REEP5: variants seen among roughly 807,000 people sequenced by gnomAD.
REEP5 encodes receptor expression-enhancing protein 5.
Under a neutral mutation model 22.4 loss-of-function variants are expected in REEP5, and 24 were observed. The ratio of observed to expected loss-of-function variants is 1.07; its 90% CI spans 0.78 to 1.51. The LOEUF (loss-of-function observed/expected upper bound fraction) is 1.51, where lower values mean the gene tolerates loss of function less well. Among genes scored for constraint, REEP5 ranks in the 40% most tolerant of loss-of-function variants. REEP5 has a pLI of 0.00. For synonymous variants in REEP5, 103 were observed against 88.6 expected, an observed-to-expected ratio of 1.16 and a Z score of -0.92; for missense variants, 252 against 233.0, an observed-to-expected ratio of 1.08 and a Z score of -0.53.
At chr5:112,900,373 T>C in intron 3 of REEP5, among the ~76,000 whole-genome samples, 1 of 152,228 alleles carries the variant, frequency 6.6e-6, no homozygotes, top group East Asian at 1.9e-4. Flanking sequence ...TCTTTGAAAC[T>C]TTTGTATTTT....
intron 1 of REEP5, chr5:112,921,493 C>G (rs1341087685): frequency 2.0e-5 from 11 of 557,434 alleles, no homozygotes; most frequent in Non-Finnish European, 2.9e-5. Flanking sequence ...CCGCAGGGGG[C>G]CCCGGCGCTT....
Position 112,880,650 on chromosome 5 carries a change from CTT to C in REEP5, c.521-1817_521-1816del. On this transcript the variant is annotated intron_variant, in intron 4 of 4. Coordinates refer to ENST00000379638, the MANE Select transcript of REEP5 (RefSeq NM_005669.5). Reference sequence around the variant, plus strand: ...GTGGCAGCATGTAAATTCCTCCTAACTTATTTTAATTCTCTTGCCCCTATTTA... The same window carrying C: ...GTGGCAGCATGTAAATTCCTCCTAACATTTTAATTCTCTTGCCCCTATTTA... Among the ~76,000 whole-genome samples the C allele has an allele frequency of 2.0e-5, 3 of 152,288 alleles. No homozygotes were observed. In the South Asian group the frequency reaches 6.2e-4, roughly 32 times the overall value.
At chr5:112,893,094 TAAAAAAA>T (rs552226372) in intron 3 of REEP5, 50,651 of 498,080 alleles carry the variant, frequency 0.1, 989 homozygotes, top group Middle Eastern at 0.12. Flanking sequence ...GTTTTGTTCT[TAAAAAAA>T]AAAAAAAAAA....
chr5:112,887,180 C>T lies in REEP5; in HGVS notation c.355G>A (p.Gly119Ser), dbSNP rs749277343. 1.1e-5 allele frequency: 17 copies of T among 1,586,200 alleles called. No individual in the cohort carries two copies. The East Asian group carries it at 3.4e-4, about 31-fold the overall frequency. ...GGGGCCATGCACCACAACAGGAAGC[C>T]ACACTGCACAGAAAAAGAGCCAGCA... ...WFPFYYMLKCGFLLWCMAPSP... is the reference protein window; with the variant it reads ...WFPFYYMLKCSFLLWCMAPSP... The change falls in exon 4 of 5, where the codon GGC becomes AGC. Residue 119 changes from glycine to serine, a missense_variant. By Grantham distance (56) the Gly-to-Ser change is moderately conservative. Coordinates refer to ENST00000379638, the MANE Select transcript of REEP5 (RefSeq NM_005669.5).
rs553571467 is a variant in REEP5, at chr5:112,877,297, A to G, written c.*1489T>C. On this transcript the variant is annotated 3_prime_UTR_variant, in exon 5 of 5. Transcript: ENST00000379638. ...ATTGTTATCTCAAGGTGAGCTAATCATCTTTATTTGCCTTAAAAAATACTG... is the reference window on the plus strand; with the variant it reads ...ATTGTTATCTCAAGGTGAGCTAATCGTCTTTATTTGCCTTAAAAAATACTG... The G allele has an allele frequency of 6.6e-6, 1 of 152,300 alleles. No individual in the cohort carries two copies. The highest frequency in any genetic ancestry group is 1.9e-4 in the East Asian group (1 of 5,190). The allele number at this position is 152,300 out of a possible 1,614,324, so 9.4% of individuals were successfully genotyped here.
chr5:112,890,524 C>T (rs1265964090), intron 3 of REEP5, among the ~76,000 whole-genome samples: 7 of 150,058 alleles, frequency 4.7e-5, no homozygotes, highest in Non-Finnish European at 8.8e-5. Flanking sequence ...CATGCAGGCA[C>T]GCACCATCAC....
intron 2 of REEP5, among the ~76,000 whole-genome samples, chr5:112,915,289 C>T (rs188625313): frequency 6.6e-6 from 1 of 152,112 alleles, no homozygotes; most frequent in African/African-American, 2.4e-5. Context: ...GCTTTAGAGC[C>T]CAGAAACTCT....
chr5:112,891,394 C>G (rs1768441823), intron 3 of REEP5, among the ~76,000 whole-genome samples: 2 of 152,006 alleles, frequency 1.3e-5, no homozygotes, highest in Admixed American at 6.6e-5. Context: ...TTTTAGAACT[C>G]TCCTTTTAGT....
At chr5:112,914,957 G>T (rs1769199681) in intron 2 of REEP5, among the ~76,000 whole-genome samples, 1 of 152,178 alleles carries the variant, frequency 6.6e-6, no homozygotes, top group Non-Finnish European at 1.5e-5. Context: ...TTTTGAAATT[G>T]TTTTAAAACT....
chr5:112,894,506 A>G (rs1580741560), intron 3 of REEP5: 1 of 152,258 alleles, frequency 6.6e-6, no homozygotes, highest in South Asian at 2.1e-4. Context: ...ATGCAATACA[A>G]CATTATGATA....
At chr5:112,920,574 A>G (rs753619913) in intron 2 of REEP5, among the ~76,000 whole-genome samples, 3 of 152,266 alleles carry the variant, frequency 2.0e-5, no homozygotes, top group South Asian at 4.1e-4. Flanking sequence ...TAGCTCAATT[A>G]TATAAATGAC....
At chr5:112,912,583 T>G (rs1769128416) in intron 2 of REEP5, among the ~76,000 whole-genome samples, 1 of 152,212 alleles carries the variant, frequency 6.6e-6, no homozygotes, top group African/African-American at 2.4e-5. Flanking sequence ...ATGTGGTAAC[T>G]TATGTTTAAT....
At chr5:112,884,843 A>C (rs1180299737) in intron 4 of REEP5, among the ~76,000 whole-genome samples, 2 of 151,366 alleles carry the variant, frequency 1.3e-5, no homozygotes, top group Non-Finnish European at 2.9e-5. Context: ...ATACTATCTA[A>C]TTTTCAATTT....
chr5:112,889,367 TATATC>T (rs1410307753), intron 3 of REEP5, among the ~76,000 whole-genome samples: 1 of 150,756 alleles, frequency 6.6e-6, no homozygotes, highest in Non-Finnish European at 1.5e-5. Context: ...ATGGGAAAGA[TATATC>T]AGACAAACAC....
intron 2 of REEP5, among the ~76,000 whole-genome samples, chr5:112,914,249 A>AGT (rs1320368287): frequency 1.3e-5 from 2 of 149,312 alleles, no homozygotes; most frequent in South Asian, 4.3e-4. Flanking sequence ...CAGCCTCCCA[A>AGT]GTGTGTGTGT....
intron 3 of REEP5, chr5:112,892,306 G>A: frequency 1.2e-6 from 2 of 1,614,112 alleles, no homozygotes; most frequent in South Asian, 2.2e-5. Flanking sequence ...CAGGAGGGAT[G>A]ACTATGACCC....
At chr5:112,921,612 G>A in intron 1 of REEP5, 1 of 314,918 alleles carries the variant, frequency 3.2e-6, no homozygotes, top group Non-Finnish European at 6.0e-6. Flanking sequence ...AGCGGGGAGC[G>A]TCCCGAGAGG....
chr5:112,918,295 G>A (rs750049378), intron 2 of REEP5, among the ~76,000 whole-genome samples: 56 of 152,150 alleles, frequency 3.7e-4, no homozygotes, highest in Non-Finnish European at 6.8e-4. Context: ...GCTCCCCAGT[G>A]AGCACTGGGC....
intron 3 of REEP5, among the ~76,000 whole-genome samples, chr5:112,889,204 C>G (rs1312217764): frequency 1.3e-5 from 2 of 150,202 alleles, no homozygotes; most frequent in Admixed American, 1.3e-4. Flanking sequence ...AATGCAGAGA[C>G]CATCCTGGGC....
Sources: allele counts gnomAD v4.1 joint callset (sites outside exome capture counted in the v4.1 genomes callset), GRCh38; gene constraint gnomAD v4.1.1; transcripts MANE v1.5; gene names NCBI Gene and HGNC (gene_info 2026-07-23, HGNC 2026-07-21).